MSI2: variants seen among roughly 807,000 people sequenced by gnomAD.
MSI2 encodes the protein RNA-binding protein Musashi homolog 2.
Under a neutral mutation model 45.6 loss-of-function variants are expected in MSI2, and 17 were observed. The ratio of observed to expected loss-of-function variants is 0.37; its 90% CI spans 0.26 to 0.56. MSI2 has a LOEUF of 0.56. MSI2 is among the 20% of genes least tolerant of loss of function. The pLI, the probability that MSI2 is intolerant of heterozygous loss-of-function variation, is 0.77. For missense variants in MSI2, 293 were observed against 444.2 expected (o/e 0.66, Z 3.06); for synonymous variants, 156 against 158.2 (o/e 0.99, Z 0.11).
chr17:57,548,107 C>T (rs926672467), intron 7 of MSI2, among the ~76,000 whole-genome samples: 1 of 152,200 alleles, frequency 6.6e-6, no homozygotes, highest in Non-Finnish European at 1.5e-5. Flanking sequence ...TCGTGGCATC[C>T]TCCTCCCAGT....
At chr17:57,464,380 G>C (rs1383122623) in intron 6 of MSI2, among the ~76,000 whole-genome samples, 2 of 152,160 alleles carry the variant, frequency 1.3e-5, no homozygotes, top group Non-Finnish European at 2.9e-5. Context: ...GGAGGTCAAG[G>C]CTGCAGTGAG....
intron 7 of MSI2, among the ~76,000 whole-genome samples, chr17:57,543,820 T>A (rs2087106137): frequency 6.6e-6 from 1 of 152,214 alleles, no homozygotes; most frequent in Admixed American, 6.5e-5. Context: ...AGCAGAGATA[T>A]GTGTATCAAC....
chr17:57,422,675 G>A (rs7224264), intron 6 of MSI2, among the ~76,000 whole-genome samples: 10,191 of 152,264 alleles, frequency 0.067, 365 homozygotes, highest in Middle Eastern at 0.088. Flanking sequence ...AACCCTGCTC[G>A]TGGTCTGCTT....
At chr17:57,542,042 T>C (rs1008999835) in intron 7 of MSI2, among the ~76,000 whole-genome samples, 6 of 152,132 alleles carry the variant, frequency 3.9e-5, no homozygotes, top group African/African-American at 1.4e-4. Flanking sequence ...TGACTCTGCT[T>C]TCCACTGCCG....
At chr17:57,287,158 C>A in intron 5 of MSI2, among the ~76,000 whole-genome samples, 1 of 142,122 alleles carries the variant, frequency 7.0e-6, no homozygotes, top group Admixed American at 7.3e-5. Flanking sequence ...ATTTGCTGAA[C>A]CTTTATAATA....
intron 5 of MSI2, among the ~76,000 whole-genome samples, chr17:57,367,931 C>A (rs1036394936): frequency 2.0e-5 from 3 of 152,078 alleles, no homozygotes; most frequent in Non-Finnish European, 2.9e-5. Context: ...TGGGGAGCCA[C>A]AGGTGGTTTT....
chr17:57,698,237 C>T, the MSI2 span, among the ~76,000 whole-genome samples: 2 of 152,210 alleles, frequency 1.3e-5, no homozygotes, highest in Admixed American at 1.3e-4. Context: ...ACAGCTCTGC[C>T]TGTTCCTGGT....
At position 57,538,053 on chromosome 17, in the gene MSI2, A is replaced by G. The variant is rs559562506; in HGVS notation, c.454+8329A>G. ...AGAAGTGGTTTTTTTGTAGAGAGGG[A>G]CAATGAATCTTTTGTTTGGTCCTGT... is the stretch of plus-strand genomic sequence containing the variant. On this transcript the variant is annotated intron_variant, in intron 7 of 13. Coordinates refer to ENST00000284073, the MANE Select transcript of MSI2 (RefSeq NM_138962.4). 2.2e-4 allele frequency among the ~76,000 whole-genome samples: 33 copies of G among 152,118 alleles called. 1 individual carries two copies. Among genetic ancestry groups the G allele is most frequent in the Admixed American group, 2.0e-3 (31 of 15,262 alleles).
intron 6 of MSI2, among the ~76,000 whole-genome samples, chr17:57,434,352 G>C (rs1269982479): frequency 6.6e-6 from 1 of 152,094 alleles, no homozygotes; most frequent in Admixed American, 6.5e-5. Context: ...TGCCCGCCTC[G>C]GCCTCCCAAA....
At chr17:57,631,653 C>G in intron 10 of MSI2, 1 of 770,692 alleles carries the variant, frequency 1.3e-6, no homozygotes, top group South Asian at 1.8e-5. Flanking sequence ...CCACCCCAGC[C>G]TGGAATTTGG....
intron 6 of MSI2, among the ~76,000 whole-genome samples, chr17:57,489,755 G>A (rs892985505): frequency 1.3e-5 from 2 of 152,174 alleles, no homozygotes; most frequent in Non-Finnish European, 2.9e-5. Context: ...GCACAGTGCC[G>A]GACACTGGTG....
intron 8 of MSI2, among the ~76,000 whole-genome samples, chr17:57,613,522 A>G (rs1439322574): frequency 2.0e-5 from 3 of 152,188 alleles, no homozygotes; most frequent in Admixed American, 6.5e-5. Context: ...CGGTAGGGCA[A>G]ATTCCTAGAG....
intron 7 of MSI2, among the ~76,000 whole-genome samples, chr17:57,563,097 C>T (rs1162738280): frequency 1.9e-5 from 1 of 51,292 alleles, no homozygotes; most frequent in African/African-American, 1.5e-4. Flanking sequence ...AACTTCGTCT[C>T]CAAAAAAAAA....
At chr17:57,339,833 G>A (rs548869452) in intron 5 of MSI2, among the ~76,000 whole-genome samples, 1 of 152,252 alleles carries the variant, frequency 6.6e-6, no homozygotes, top group African/African-American at 2.4e-5. Context: ...CCCATGGTCT[G>A]TGCTTAGGGT....
intron 6 of MSI2, among the ~76,000 whole-genome samples, chr17:57,484,764 C>T (rs1159867551): frequency 4.6e-5 from 7 of 152,176 alleles, no homozygotes; most frequent in Admixed American, 2.6e-4. Flanking sequence ...CCTTGGCTTC[C>T]GTCCTCTCTC....
At chr17:57,475,225 G>A (rs571764559) in intron 6 of MSI2, among the ~76,000 whole-genome samples, 1 of 152,174 alleles carries the variant, frequency 6.6e-6, no homozygotes, top group Non-Finnish European at 1.5e-5. Context: ...TTACCAAAAC[G>A]CCTAGGGAGG....
chr17:57,634,873 G>C (rs1179140010), intron 10 of MSI2, among the ~76,000 whole-genome samples: 1 of 152,162 alleles, frequency 6.6e-6, no homozygotes, highest in Non-Finnish European at 1.5e-5. Context: ...GCCATCACAT[G>C]TTCATCCCAG....
chr17:57,469,815 A>T (rs576339748), intron 6 of MSI2, among the ~76,000 whole-genome samples: 1 of 152,228 alleles, frequency 6.6e-6, no homozygotes, highest in Non-Finnish European at 1.5e-5. Context: ...TCTGAAGTGC[A>T]CATCTGATTT....
At position 57,339,771 on chromosome 17, in the gene MSI2, T is replaced by A. The variant is rs537363327; in HGVS notation, c.313-61608T>A. Among the ~76,000 whole-genome samples, 20 of 152,306 alleles carry A rather than the reference T, an allele frequency of 1.3e-4. No individual in the cohort carries two copies. In the East Asian group the frequency reaches 3.9e-3, roughly 29 times the overall value. On this transcript the variant is annotated intron_variant, in intron 5 of 13. Coordinates refer to ENST00000284073, the MANE Select transcript of MSI2 (RefSeq NM_138962.4). ...CTGTGTCTCCACCCGTGAGTCTCCA[T>A]CACCAGTTGAGGACCTTTGGGTCTC...
Sources: gnomAD v4.1 joint callset for allele counts (sites outside exome capture counted in the v4.1 genomes callset) on GRCh38, gnomAD v4.1.1 for gene constraint, MANE v1.5 for transcripts, NCBI Gene and HGNC (gene_info 2026-07-23, HGNC 2026-07-21) for gene names.